MMP26: variants seen among roughly 807,000 people sequenced by gnomAD.
The protein encoded by MMP26 is matrix metallopeptidase 26, also known as matrix metalloproteinase-26.
MMP26 carries 33 observed loss-of-function variants against 31.0 expected under a neutral mutation model. The observed-to-expected ratio is 1.06, with a 90% confidence interval of 0.81 to 1.42. The LOEUF is 1.42. Ranked by LOEUF, MMP26 falls within the 40% of genes most tolerant of loss-of-function variation. The pLI, the probability that MMP26 is intolerant of heterozygous loss-of-function variation, is 0.00. For missense variants in MMP26, 347 were observed against 316.1 expected (o/e 1.10, Z -0.74); for synonymous variants, 122 against 114.9 (o/e 1.06, Z -0.40).
chr11:4,882,624 C>T, intron 2 of MMP26: 1 of 1,613,984 alleles, frequency 6.2e-7, no homozygotes, highest in Middle Eastern at 1.7e-4. Flanking sequence ...GCTCTCAGCA[C>T]TTGTGTCTGT....
At chr11:4,791,156 A>C (rs1308172759) in intron 2 of MMP26, among the ~76,000 whole-genome samples, 1 of 152,206 alleles carries the variant, frequency 6.6e-6, no homozygotes, top group Non-Finnish European at 1.5e-5. Flanking sequence ...TTGTGCTTTT[A>C]GAATCTGAGA....
chr11:4,733,280 C>T (rs1357748469), intron 1 of MMP26, among the ~76,000 whole-genome samples: 1 of 152,184 alleles, frequency 6.6e-6, no homozygotes, highest in East Asian at 1.9e-4. Flanking sequence ...TCTTCAAATC[C>T]ATGAATATGA....
At chr11:4,840,114 G>A (rs963697174) in intron 2 of MMP26, among the ~76,000 whole-genome samples, 2 of 151,982 alleles carry the variant, frequency 1.3e-5, no homozygotes, top group Non-Finnish European at 2.9e-5. Flanking sequence ...AGGGAGAGTG[G>A]GAAGGTCTGT....
intron 2 of MMP26, among the ~76,000 whole-genome samples, chr11:4,846,154 G>A (rs921539860): frequency 1.3e-5 from 2 of 152,108 alleles, no homozygotes; most frequent in African/African-American, 4.8e-5. Context: ...AGCAACCTAA[G>A]CATTCATCAA....
At chr11:4,945,996 G>C in intron 2 of MMP26, 1 of 692,046 alleles carries the variant, frequency 1.4e-6, no homozygotes, top group East Asian at 2.7e-5. Flanking sequence ...CGTACTTCCT[G>C]TTTATAGTTC....
chr11:4,925,033 A>G (rs1314580086), intron 2 of MMP26, among the ~76,000 whole-genome samples: 1 of 152,220 alleles, frequency 6.6e-6, no homozygotes, highest in Non-Finnish European at 1.5e-5. Context: ...TTAAAATCCT[A>G]AAAGATAACA....
chr11:4,874,869 G>A (rs1331315273), intron 2 of MMP26, among the ~76,000 whole-genome samples: 1 of 152,070 alleles, frequency 6.6e-6, no homozygotes, highest in Non-Finnish European at 1.5e-5. Flanking sequence ...ATTCCCCATA[G>A]ATTTAACTAC....
chr11:4,896,633 T>G (rs2133554218), intron 2 of MMP26, among the ~76,000 whole-genome samples: 1 of 152,218 alleles, frequency 6.6e-6, no homozygotes, highest in South Asian at 2.1e-4. Flanking sequence ...TTATTTTAGG[T>G]TTATGTTTCT....
chr11:4,773,633 T>A (rs12797008), intron 2 of MMP26, among the ~76,000 whole-genome samples: 14,043 of 151,260 alleles, frequency 0.093, 813 homozygotes, highest in Middle Eastern at 0.15. Context: ...TTTGAATTTT[T>A]ATTTTTATTT....
intron 2 of MMP26, among the ~76,000 whole-genome samples, chr11:4,837,563 T>C (rs959782242): frequency 1.3e-5 from 2 of 152,056 alleles, no homozygotes; most frequent in Admixed American, 1.3e-4. Flanking sequence ...TTGAATAGGC[T>C]ATTCATGGGA....
At chr11:4,908,843 C>G (rs1335896406) in intron 2 of MMP26, 1 of 162,146 alleles carries the variant, frequency 6.2e-6, no homozygotes, top group African/African-American at 2.4e-5. Flanking sequence ...CCAATTTCTT[C>G]TCTACATGAT....
At chr11:4,978,492 A>T (rs11034975) in intron 2 of MMP26, among the ~76,000 whole-genome samples, 7,609 of 152,220 alleles carry the variant, frequency 0.05, 297 homozygotes, top group East Asian at 0.22. Flanking sequence ...TACCTCTAGA[A>T]TCAGGATCTC....
At chr11:4,796,097 A>G (rs945909911) in intron 2 of MMP26, among the ~76,000 whole-genome samples, 8 of 152,138 alleles carry the variant, frequency 5.3e-5, no homozygotes, top group Admixed American at 5.2e-4. Flanking sequence ...GGAGATGGCT[A>G]TGTCACGTAA....
intron 2 of MMP26, among the ~76,000 whole-genome samples, chr11:4,862,615 A>G (rs1286771238): frequency 6.6e-6 from 1 of 152,192 alleles, no homozygotes; most frequent in Non-Finnish European, 1.5e-5. Context: ...AGAGAAAAAC[A>G]TCTCAAGAAC....
rs1391006570 is a variant in MMP26, at chr11:4,726,353, C to T, written c.-217+21308C>T. The stretch of plus-strand genomic sequence containing the variant: ...TGGCATGTGCCTGTAGTCCCAGCTA[C>T]TCGAAGGCTGAGGCACGAGAATCAC... On this transcript the variant is annotated intron_variant, in intron 1 of 7. Transcript: ENST00000380390. Among the ~76,000 whole-genome samples, 4 of 151,792 alleles carry T rather than the reference C, an allele frequency of 2.6e-5. No individual in the cohort carries two copies. The East Asian group carries it at 7.8e-4, about 29-fold the overall frequency.
chr11:4,735,088 G>A (rs1235457253), intron 1 of MMP26, among the ~76,000 whole-genome samples: 1 of 152,204 alleles, frequency 6.6e-6, no homozygotes, highest in Admixed American at 6.5e-5. Context: ...GGGGGAAGAA[G>A]GAGAAAGCCC....
At chr11:4,817,640 A>G (rs1451776894) in intron 2 of MMP26, among the ~76,000 whole-genome samples, 1 of 152,198 alleles carries the variant, frequency 6.6e-6, no homozygotes, top group South Asian at 2.1e-4. Flanking sequence ...ATTTTGGGGG[A>G]AAAATGGAAA....
At chr11:4,706,577 CAA>C (rs71050423) in intron 1 of MMP26, among the ~76,000 whole-genome samples, 6,396 of 87,202 alleles carry the variant, frequency 0.073, 149 homozygotes, top group African/African-American at 0.16. Context: ...GACCCTATCT[CAA>C]AAAAAAAAAA....
chr11:4,850,088 TTCTA>T lies in MMP26; in HGVS notation c.-145+82752_-145+82755del, dbSNP rs1849954513. 2.0e-5 allele frequency among the ~76,000 whole-genome samples: 3 copies of T among 152,246 alleles called. No homozygotes were observed. In the South Asian group the frequency reaches 6.2e-4, roughly 32 times the overall value. The stretch of plus-strand genomic sequence containing the variant: ...GCTACTGAACATTATAACTTATTTC[TTCTA>T]TCTAAGTGTATGTTTATATTTTTGA... On this transcript the variant is annotated intron_variant, in intron 2 of 7. Transcript: ENST00000380390.
Sources: gnomAD v4.1 joint callset for allele counts (sites outside exome capture counted in the v4.1 genomes callset) on GRCh38, gnomAD v4.1.1 for gene constraint, MANE v1.5 for transcripts, NCBI Gene and HGNC (gene_info 2026-07-23, HGNC 2026-07-21) for gene names.